LILRB1: variants seen among roughly 807,000 people sequenced by gnomAD.
LILRB1 encodes leukocyte immunoglobulin-like receptor subfamily B member 1.
In LILRB1, 59 loss-of-function variants were observed where a neutral mutation model predicts 74.6. The observed-to-expected ratio is 0.79, with a 90% CI of 0.64 to 0.98. The LOEUF (loss-of-function observed/expected upper bound fraction) is 0.98, where lower values mean the gene tolerates loss of function less well. Among genes scored for constraint, LILRB1 ranks in the 50% least tolerant of loss-of-function variants. The pLI is 0.00. For missense variants in LILRB1, 804 were observed against 822.6 expected (o/e 0.98, Z 0.28); for synonymous variants, 328 against 333.9 (o/e 0.98, Z 0.19).
intron 9 of LILRB1, 91 bp from the exon 10 acceptor site, chr19:54,634,550 G>C: frequency 6.6e-7 from 1 of 1,521,102 alleles, no homozygotes; most frequent in African/African-American, 1.4e-5. Context: ...GGGGGTTGGA[G>C]GTGGTGAACA....
In LILRB1 at chr19:54,636,654, T is replaced by C. The variant is rs201250339; in HGVS notation, c.1812+2T>C. On this transcript the variant is annotated splice_donor_variant, in intron 14 of 14. Coordinates refer to ENST00000324602, the MANE Select transcript of LILRB1 (RefSeq NM_001081637.3). LOFTEE classifies it high-confidence loss of function. ...GAGGACAGGCAGATGGACACTGAGG[T>C]GAGTCCTTTCCTCTCCAGGCCCCCA... 1.2e-6 allele frequency: 2 copies of C among 1,600,118 alleles called. No individual in the cohort carries two copies. Among genetic ancestry groups the C allele is most frequent in the Non-Finnish European group, 1.7e-6 (2 of 1,171,082 alleles).
chr19:54,619,978 TG>T (rs1462188626), intron 1 of LILRB1, among the ~76,000 whole-genome samples: 2 of 151,630 alleles, frequency 1.3e-5, no homozygotes, highest in Non-Finnish European at 2.9e-5. Context: ...ACTTGAAATT[TG>T]GGTTACTAAA....
chr19:54,625,208 G>A (rs1301089579), intron 1 of LILRB1, among the ~76,000 whole-genome samples: 1 of 145,908 alleles, frequency 6.9e-6, no homozygotes, highest in Non-Finnish European at 1.5e-5. Context: ...GGGGCAGGAC[G>A]GGTGACTGGG....
chr19:54,632,665 GC>G lies in LILRB1; in HGVS notation c.865del (p.Arg289AlafsTer29), dbSNP rs766264887. The G allele has an allele frequency of 6.2e-7, 1 of 1,613,810 alleles. No homozygotes were observed. Among genetic ancestry groups the G allele is most frequent in the South Asian group, 1.1e-5 (1 of 91,054 alleles). On this transcript the variant is annotated frameshift_variant, in exon 6 of 15. Transcript: ENST00000324602. LOFTEE classifies it high-confidence loss of function. Reference sequence around the variant, plus strand: ...GCCAACTTCACCCTGGGCCCTGTGAGCCGCTCCTACGGGGGCCAGTACAGAT... The same window carrying G: ...GCCAACTTCACCCTGGGCCCTGTGAGCGCTCCTACGGGGGCCAGTACAGAT... The part of the protein sequence containing the change: ...SQANFTLGPV[S>X]RSYGGQYRCY...
rs1390025918 is a variant in LILRB1, at chr19:54,637,037, T to TC, written c.*160dup. The TC allele has an allele frequency of 1.3e-6, 1 of 772,802 alleles. No homozygotes were observed. Among genetic ancestry groups the TC allele is most frequent in the East Asian group, 2.7e-5 (1 of 36,956 alleles). 47.9% of individuals were successfully genotyped at this position (772,802 alleles called of 1,614,324 possible). A position where few individuals can be genotyped will look rare whatever the true frequency, so the allele number is the denominator to read the frequency against. ...AATTCTGCAGTATAAATAACTAATG[T>TC]CTCTACAATTTTGAAATAAAGCAAC... On this transcript the variant is annotated 3_prime_UTR_variant, in exon 15 of 15. Coordinates refer to ENST00000324602, the MANE Select transcript of LILRB1 (RefSeq NM_001081637.3).
At chr19:54,617,421 G>C (rs2063334843) in intron 1 of LILRB1, 2 of 152,034 alleles carry the variant, frequency 1.3e-5, no homozygotes, top group South Asian at 4.2e-4. Flanking sequence ...TTTCTTTTCT[G>C]CCTGCTTTAC....
At chr19:54,616,784 G>C (rs550057160), upstream of LILRB1, among the ~76,000 whole-genome samples, 6 of 151,780 alleles carry the variant, frequency 4.0e-5, no homozygotes, top group East Asian at 3.9e-4. Flanking sequence ...AGGGAAACGA[G>C]AGACTGTGTT....
chr19:54,619,819 A>G (rs1235903454), intron 1 of LILRB1, among the ~76,000 whole-genome samples: 1 of 152,152 alleles, frequency 6.6e-6, no homozygotes, highest in Non-Finnish European at 1.5e-5. Flanking sequence ...AAAAAAAAGT[A>G]AGTGCTTATC....
At chr19:54,627,702 T>C (rs1260797432), upstream of LILRB1, among the ~76,000 whole-genome samples, 1 of 152,188 alleles carries the variant, frequency 6.6e-6, no homozygotes, top group South Asian at 2.1e-4. Flanking sequence ...TCAGCCTCTC[T>C]CTTGTTGCTG....
intron 1 of LILRB1, among the ~76,000 whole-genome samples, chr19:54,625,202 C>T (rs2063549773): frequency 1.4e-5 from 2 of 145,412 alleles, no homozygotes; most frequent in South Asian, 4.7e-4. Flanking sequence ...CGGGTGGGGG[C>T]AGGACGGGTG....
Position 54,632,158 on chromosome 19 carries a change from G to T in LILRB1, c.582G>T (p.Trp194Cys). 1 of 1,614,206 alleles carries T rather than the reference G, an allele frequency of 6.2e-7. No individual in the cohort carries two copies. Among genetic ancestry groups the T allele is most frequent in the Non-Finnish European group, 8.5e-7 (1 of 1,180,018 alleles). ...CCGTGAGCCCGAGTCGCAGGTGGTGGTACAGGTGCTATGCTTATGACTCGA... is the reference window on the plus strand; with the variant it reads ...CCGTGAGCCCGAGTCGCAGGTGGTGTTACAGGTGCTATGCTTATGACTCGA... Reference protein sequence around the residue: ...VGPVSPSRRWWYRCYAYDSNS... With the variant: ...VGPVSPSRRWCYRCYAYDSNS... Residue 194 changes from tryptophan to cysteine, a missense_variant, in exon 5 of 15, where the codon TGG becomes TGT. Coordinates refer to ENST00000324602, the MANE Select transcript of LILRB1 (RefSeq NM_001081637.3).
chr19:54,633,835 G>A (rs547921110), intron 8 of LILRB1, 136 bp from the exon 9 acceptor site: 1 of 1,453,238 alleles, frequency 6.9e-7, no homozygotes, highest in Admixed American at 2.3e-5. Flanking sequence ...AGGGTCCCCA[G>A]GGCTCTGAGG....
intron 13 of LILRB1, 95 bp downstream of exon 13, chr19:54,635,704 A>T: frequency 2.8e-6 from 4 of 1,405,538 alleles, no homozygotes; most frequent in Non-Finnish European, 4.0e-6. Context: ...GGCTCTCAGC[A>T]TCGTCACGGT....
chr19:54,616,732 G>C (rs1457569801), upstream of LILRB1, among the ~76,000 whole-genome samples: 3 of 152,094 alleles, frequency 2.0e-5, no homozygotes, highest in African/African-American at 7.2e-5. Flanking sequence ...GATTTGGCTT[G>C]TCTGTTCACA....
At chr19:54,621,661 T>C (rs2063461647) in intron 1 of LILRB1, among the ~76,000 whole-genome samples, 2 of 152,194 alleles carry the variant, frequency 1.3e-5, no homozygotes, top group South Asian at 4.1e-4. Flanking sequence ...CTGTTGATTG[T>C]TTCTTTTGCT....
In LILRB1 at chr19:54,621,970, G is replaced by C. The variant is rs1163455141; in HGVS notation, c.-166+4621G>C. ...TCCTTTCCCCATTGTTTACTTTGTT[G>C]ACTTTAGCAAAGCTCAGTATGTTGT... On this transcript the variant is annotated intron_variant, in intron 1 of 15. Coordinates refer to the LILRB1 transcript ENST00000396331. 9.9e-5 allele frequency among the ~76,000 whole-genome samples: 15 copies of C among 152,028 alleles called. 1 individual carries two copies. The highest frequency in any genetic ancestry group is 1.5e-5 in the Non-Finnish European group (1 of 67,982).
In LILRB1 at chr19:54,633,841, T is replaced by C. The variant is rs2064138277; in HGVS notation, c.1313-130T>C. On this transcript the variant is annotated intron_variant, in intron 8 of 14. Transcript: ENST00000324602. ...AGGGGCCACAGGGTCCCCAGGGCTC[T>C]GAGGCTGGGCTGGTGAGGGGTGGGG... is the stretch of plus-strand genomic sequence containing the variant. 6.2e-6 allele frequency: 9 copies of C among 1,460,906 alleles called. No homozygotes were observed. The Admixed American group carries it at 1.6e-4, about 25-fold the overall frequency. The allele number at this position is 1,460,906 out of a possible 1,614,324, so 90.5% of individuals were successfully genotyped here.
chr19:54,618,562 C>A (rs1388481122), intron 1 of LILRB1, among the ~76,000 whole-genome samples: 1 of 152,190 alleles, frequency 6.6e-6, no homozygotes, highest in Admixed American at 6.5e-5. Flanking sequence ...GTAACCCCAG[C>A]ACTTTGGGAG....
At chr19:54,635,722 T>A (rs762170334) in intron 13 of LILRB1, 113 bp downstream of exon 13, 11 of 1,266,028 alleles carry the variant, frequency 8.7e-6, no homozygotes, top group Middle Eastern at 2.5e-4. Flanking sequence ...GGTGGACCCC[T>A]CCTTGTCCAG....
Sources: allele counts gnomAD v4.1 joint callset (sites outside exome capture counted in the v4.1 genomes callset), GRCh38; gene constraint gnomAD v4.1.1; transcripts MANE v1.5; gene names NCBI Gene and HGNC (gene_info 2026-07-23, HGNC 2026-07-21).